The following ANKRD27 variants were observed in gnomAD, a reference collection of about 807,000 sequenced individuals.
The protein encoded by ANKRD27 is ankyrin repeat domain 27, also known as ankyrin repeat domain-containing protein 27.
ANKRD27 carries 112 observed loss-of-function variants against 129.7 expected under a neutral mutation model. The observed-to-expected ratio is 0.86, with a 90% CI of 0.74 to 1.01. The LOEUF is 1.01. Among genes scored for constraint, ANKRD27 ranks in the 50% least tolerant of loss-of-function variants. ANKRD27 has a pLI of 0.00. For synonymous variants in ANKRD27, 516 were observed against 511.2 expected (o/e 1.01, Z -0.13); for missense variants, 1,258 against 1,300.5 (o/e 0.97, Z 0.50).
chr19:32,671,364 TA>T (rs1160027898), intron 1 of ANKRD27, among the ~76,000 whole-genome samples: 1 of 151,970 alleles, frequency 6.6e-6, no homozygotes, highest in Non-Finnish European at 1.5e-5. Flanking sequence ...GGTAAATGCT[TA>T]AAAAAACAGT....
intron 22 of ANKRD27, among the ~76,000 whole-genome samples, chr19:32,612,151 T>TG (rs1388655610): frequency 6.6e-6 from 1 of 151,860 alleles, no homozygotes; most frequent in Middle Eastern, 3.2e-3. Flanking sequence ...AATACTGAGG[T>TG]GTACACTTAA....
At chr19:32,620,144 AG>A (rs1270028736) in intron 18 of ANKRD27, among the ~76,000 whole-genome samples, 3 of 152,020 alleles carry the variant, frequency 2.0e-5, no homozygotes, top group African/African-American at 7.2e-5. Context: ...GGCAGTATTC[AG>A]GGGGTACAGC....
intron 22 of ANKRD27, among the ~76,000 whole-genome samples, chr19:32,610,332 TA>T (rs1267196917): frequency 1.7e-4 from 26 of 150,198 alleles, no homozygotes; most frequent in Non-Finnish European, 3.6e-4. Flanking sequence ...ATAAATAAAA[TA>T]AAATAGCCCA....
At chr19:32,662,786 T>C (rs1464504046) in intron 1 of ANKRD27, among the ~76,000 whole-genome samples, 1 of 151,998 alleles carries the variant, frequency 6.6e-6, no homozygotes, top group African/African-American at 2.4e-5. Flanking sequence ...CTCACGCCTC[T>C]AATCTCAACA....
chr19:32,603,798 C>T (rs529941498), intron 25 of ANKRD27, among the ~76,000 whole-genome samples: 22 of 152,290 alleles, frequency 1.4e-4, no homozygotes, highest in Non-Finnish European at 2.5e-4. Flanking sequence ...CTTGGCCTCC[C>T]AAAGTGCTGG....
At chr19:32,601,511 T>C (rs756937706) in intron 26 of ANKRD27, among the ~76,000 whole-genome samples, 4 of 147,208 alleles carry the variant, frequency 2.7e-5, no homozygotes, top group Non-Finnish European at 4.5e-5. Flanking sequence ...AGGCAGCTAC[T>C]TGAGGCAGGA....
chr19:32,664,504 A>C (rs1967709048), intron 1 of ANKRD27, among the ~76,000 whole-genome samples: 1 of 151,764 alleles, frequency 6.6e-6, no homozygotes, highest in Non-Finnish European at 1.5e-5. Context: ...CTGTAATTCC[A>C]GCTACTTGGG....
intron 4 of ANKRD27, among the ~76,000 whole-genome samples, chr19:32,645,877 C>G (rs1967293360): frequency 6.6e-6 from 1 of 152,040 alleles, no homozygotes; most frequent in Admixed American, 6.6e-5. Context: ...CTCAGGTAAT[C>G]CGCCCACCTC....
intron 25 of ANKRD27, among the ~76,000 whole-genome samples, chr19:32,602,849 A>T (rs950638589): frequency 8.5e-5 from 13 of 152,198 alleles, no homozygotes; most frequent in Admixed American, 6.5e-4. Flanking sequence ...AGATTGCACC[A>T]TTATACTCCA....
rs1049866687 is a variant in ANKRD27, at chr19:32,643,853, T to C, written c.526-222A>G. On this transcript the variant is annotated intron_variant, in intron 5 of 28. Coordinates refer to ENST00000306065, the MANE Select transcript of ANKRD27 (RefSeq NM_032139.3). Reference sequence around the variant, plus strand: ...GGATAATAATACTCATTGTTATACTTCCCCATGACTTTACCACTTGGTTTG... The same window carrying C: ...GGATAATAATACTCATTGTTATACTCCCCCATGACTTTACCACTTGGTTTG... 17 of 566,128 alleles carry C rather than the reference T, an allele frequency of 3.0e-5. No homozygotes were observed. In the Admixed American group the frequency reaches 4.9e-4, roughly 16 times the overall value. 35.1% of individuals were successfully genotyped at this position (566,128 alleles called of 1,614,324 possible). A position where few individuals can be genotyped will look rare whatever the true frequency, so the allele number is the denominator to read the frequency against.
chr19:32,648,814 G>GA (rs1967353662), intron 3 of ANKRD27, among the ~76,000 whole-genome samples: 1 of 147,180 alleles, frequency 6.8e-6, no homozygotes, highest in Non-Finnish European at 1.5e-5. Context: ...AAAAAAAAAA[G>GA]ATTCAAAATA....
intron 4 of ANKRD27, among the ~76,000 whole-genome samples, 159 bp from the exon 5 acceptor site, chr19:32,644,638 G>A (rs1320570277): frequency 6.6e-6 from 1 of 152,218 alleles, no homozygotes; most frequent in African/African-American, 2.4e-5. Flanking sequence ...CTGGAGTCCA[G>A]AGAGCCTGGT....
chr19:32,598,310 C>T lies in ANKRD27; in HGVS notation c.2988G>A (p.Glu996=). 6.2e-7 allele frequency: 1 copy of T among 1,614,194 alleles called. No homozygotes were observed. Among genetic ancestry groups the T allele is most frequent in the Non-Finnish European group, 8.5e-7 (1 of 1,180,042 alleles). Residue 996 remains glutamate, a synonymous_variant, in exon 29 of 29, where the codon GAG becomes GAA. Transcript: ENST00000306065. Reference sequence around the variant, plus strand: ...TCTCTGGCCAGTCGCTGTTGCCTTTCTCAGCAGCATGAGATCCACTCTGAG... The same window carrying T: ...TCTCTGGCCAGTCGCTGTTGCCTTTTTCAGCAGCATGAGATCCACTCTGAG... The part of the protein sequence containing the change: ...LPAQSGSHAA[E]KGNSDWPERP...
intron 1 of ANKRD27, among the ~76,000 whole-genome samples, chr19:32,667,912 C>T (rs1042153325): frequency 2.0e-5 from 3 of 151,370 alleles, no homozygotes; most frequent in African/African-American, 7.3e-5. Context: ...AAATCAGCAA[C>T]TATTTAAAAA....
rs770293349 is a variant in ANKRD27 at position 32,598,218 on chromosome 19, G to A, written c.3080C>T (p.Ala1027Val). Residue 1027 changes from alanine to valine, a missense_variant, in exon 29 of 29, where the codon GCG becomes GTG. Ala to Val is a moderately conservative substitution (Grantham distance 64). Coordinates refer to ENST00000306065, the MANE Select transcript of ANKRD27 (RefSeq NM_032139.3). ...RMLRRHTVEDAVVSQGPEAAG... is the reference protein window; with the variant it reads ...RMLRRHTVEDVVVSQGPEAAG... ...AGCCTCCGGGCCCTGGGACACGACC[G>A]CATCCTCTACCGTGTGTCTCCGCAG... The A allele has an allele frequency of 5.0e-6, 8 of 1,614,096 alleles. No homozygotes were observed. Among genetic ancestry groups the A allele is most frequent in the East Asian group, 2.2e-5 (1 of 44,872 alleles).
chr19:32,654,072 T>C lies in ANKRD27; in HGVS notation c.103-4280A>G, dbSNP rs916017205. 5.9e-5 allele frequency among the ~76,000 whole-genome samples: 9 copies of C among 152,270 alleles called. 1 individual carries two copies. The South Asian group carries it at 6.2e-4, about 11-fold the overall frequency. On this transcript the variant is annotated intron_variant, in intron 2 of 28. Transcript: ENST00000306065. The stretch of plus-strand genomic sequence containing the variant: ...TCTGCCACCACGCACGGCTAATTTT[T>C]TGTATTTTTAGTAGAGATAGGGTTT...
intron 1 of ANKRD27, among the ~76,000 whole-genome samples, chr19:32,664,617 AAATAATAATAATAAT>A (rs3042684): frequency 6.5e-4 from 83 of 128,324 alleles, no homozygotes; most frequent in South Asian, 2.4e-3. Flanking sequence ...CTCCATCCCC[AAATAATAATAATAAT>A]AATAATAATA....
chr19:32,613,505 G>A (rs984040517), intron 22 of ANKRD27, among the ~76,000 whole-genome samples: 2 of 152,110 alleles, frequency 1.3e-5, no homozygotes, highest in African/African-American at 2.4e-5. Context: ...GTTCGTGGCA[G>A]TTTTATTGGT....
chr19:32,619,645 G>C lies in ANKRD27; in HGVS notation c.1828-92C>G, dbSNP rs2145274573. On this transcript the variant is annotated intron_variant, in intron 18 of 28. Coordinates refer to ENST00000306065, the MANE Select transcript of ANKRD27 (RefSeq NM_032139.3). The stretch of plus-strand genomic sequence containing the variant: ...ACCCACACGCCCCACTGCCGGCCTA[G>C]CTCCTCGGAATGTCAGTGCAGTGAG... The C allele has an allele frequency of 2.7e-6, 4 of 1,476,768 alleles. No homozygotes were observed. In the South Asian group the frequency reaches 4.5e-5, roughly 17 times the overall value. The allele number at this position is 1,476,768 out of a possible 1,614,324, so 91.5% of individuals were successfully genotyped here.
Sources: allele counts gnomAD v4.1 joint callset (sites outside exome capture counted in the v4.1 genomes callset), GRCh38; gene constraint gnomAD v4.1.1; transcripts MANE v1.5; gene names NCBI Gene and HGNC (gene_info 2026-07-23, HGNC 2026-07-21).